Variants in TMEM59L observed in about 807,000 individuals in gnomAD.
TMEM59L encodes the protein transmembrane protein 59-like.
TMEM59L carries 31 observed loss-of-function variants against 39.6 expected under a neutral mutation model. The ratio of observed to expected loss-of-function variants is 0.78; its 90% CI spans 0.59 to 1.06. TMEM59L has a LOEUF of 1.06. Ranked by LOEUF, TMEM59L falls within the 50% of genes least tolerant of loss-of-function variation. The pLI is 0.00. For missense variants in TMEM59L, 441 were observed against 451.3 expected (o/e 0.98, Z 0.21); for synonymous variants, 219 against 202.9 (o/e 1.08, Z -0.68).
chr19:18,613,864 T>TC lies in TMEM59L; in HGVS notation c.172-3dup, dbSNP rs1395556408. ...ATGGCCTGAGCCCCCTGTCCTCCCC[T>TC]CCCCCAGGCGGGGCTGGAGGGCGCC... is the stretch of plus-strand genomic sequence containing the variant. On this transcript the variant is annotated splice_polypyrimidine_tract_variant and splice_region_variant and intron_variant, in intron 1 of 7. Coordinates refer to ENST00000262817, the MANE Select transcript of TMEM59L (RefSeq NM_012109.3). 6 of 1,379,764 alleles carry TC rather than the reference T, an allele frequency of 4.3e-6. No homozygotes were observed. The Admixed American group carries it at 1.1e-4, about 26-fold the overall frequency. 85.5% of individuals were successfully genotyped at this position (1,379,764 alleles called of 1,614,324 possible). A position where few individuals can be genotyped will look rare whatever the true frequency, so the allele number is the denominator to read the frequency against.
chr19:18,619,680 T>G (rs2145352019), intron 7 of TMEM59L, among the ~76,000 whole-genome samples: 1 of 151,662 alleles, frequency 6.6e-6, no homozygotes, highest in East Asian at 2.0e-4. Flanking sequence ...GGCAGGTGCC[T>G]GTAGTCCCAG....
intron 3 of TMEM59L, 87 bp from the exon 4 acceptor site, chr19:18,615,888 G>A (rs1401935489): frequency 1.5e-5 from 22 of 1,509,252 alleles, no homozygotes; most frequent in South Asian, 7.7e-5. Flanking sequence ...GATTACAGGC[G>A]TGAGCCACCA....
At chr19:18,617,862 G>A in intron 5 of TMEM59L, 1 of 472,880 alleles carries the variant, frequency 2.1e-6, no homozygotes, top group African/African-American at 2.0e-5. Flanking sequence ...TCATCTTCTA[G>A]GGTCATCTCC....
intron 7 of TMEM59L, among the ~76,000 whole-genome samples, chr19:18,619,429 C>G (rs1042376419): frequency 2.6e-5 from 4 of 152,204 alleles, no homozygotes; most frequent in Non-Finnish European, 5.9e-5. Flanking sequence ...CTCTATCATG[C>G]CCAGGTGTGT....
chr19:18,618,704 A>ATTTTT (rs71166534), intron 7 of TMEM59L, among the ~76,000 whole-genome samples: 20 of 139,152 alleles, frequency 1.4e-4, no homozygotes, highest in South Asian at 4.3e-4. Flanking sequence ...ATATATATAT[A>ATTTTT]TTTTTTTTGA....
chr19:18,616,970 CCT>C (rs1414439614), intron 4 of TMEM59L, 28 bp from the exon 5 acceptor site: 2 of 1,537,690 alleles, frequency 1.3e-6, no homozygotes, highest in African/African-American at 2.7e-5. Flanking sequence ...TTCTCACAAG[CCT>C]CTCTGTGCTG....
chr19:18,614,763 G>T (rs547414628), intron 3 of TMEM59L, among the ~76,000 whole-genome samples: 1 of 152,342 alleles, frequency 6.6e-6, no homozygotes, highest in Admixed American at 6.5e-5. Flanking sequence ...CCTTATGGGA[G>T]AAATAATAAC....
At position 18,613,930 on chromosome 19, in the gene TMEM59L, G is replaced by C; in HGVS notation, c.230G>C (p.Cys77Ser). The change falls in exon 2 of 8, where the codon TGC (cysteine) becomes TCC (serine). Residue 77 changes from cysteine to serine, a missense_variant. Transcript: ENST00000262817. ...PYDRAVLISA[C>S]ERGCRLFSIC... is the part of the protein sequence containing the mutation. Reference sequence around the variant, plus strand: ...GACAGAGCCGTTCTGATCAGCGCTTGCGAGCGTGGCTGCCGCCTCTTCTCC... The same window carrying C: ...GACAGAGCCGTTCTGATCAGCGCTTCCGAGCGTGGCTGCCGCCTCTTCTCC... 6.2e-7 allele frequency: 1 copy of C among 1,613,064 alleles called. No homozygotes were observed. The highest frequency in any genetic ancestry group is 8.5e-7 in the Non-Finnish European group (1 of 1,180,010).
At chr19:18,618,528 AG>A in intron 7 of TMEM59L, 36 bp downstream of exon 7, 1 of 1,574,476 alleles carries the variant, frequency 6.4e-7, no homozygotes. Context: ...GGGCCGAGGG[AG>A]GGGGTGAAGG....
chr19:18,614,931 T>C (rs961915653), intron 3 of TMEM59L, among the ~76,000 whole-genome samples: 1 of 152,178 alleles, frequency 6.6e-6, no homozygotes, highest in African/African-American at 2.4e-5. Context: ...TTCACTGCTG[T>C]TCAGAAAAGC....
chr19:18,617,068 A>G lies in TMEM59L; in HGVS notation c.630A>G (p.Arg210=). 1 of 1,613,338 alleles carries G rather than the reference A, an allele frequency of 6.2e-7. No individual in the cohort carries two copies. Among genetic ancestry groups the G allele is most frequent in the South Asian group, 1.1e-5 (1 of 91,086 alleles). ...TGCAGCGCGTGGAGGTGACCTGGCG[A>G]GGCTCCCACCCTGAAGCCCTGGAGG... ...GRLQRVEVTW[R]GSHPEALEVH... The change falls in exon 5 of 8, where the codon CGA becomes CGG. Residue 210 remains arginine (R), a synonymous_variant. Transcript: ENST00000262817.
chr19:18,618,649 G>A (rs1241980708), intron 7 of TMEM59L, among the ~76,000 whole-genome samples, 157 bp downstream of exon 7: 1 of 77,306 alleles, frequency 1.3e-5, no homozygotes, highest in African/African-American at 1.9e-4. Context: ...ACATATACGT[G>A]TGTGTGTGTG....
Position 18,618,673 on chromosome 19 carries a change from GTA to G in TMEM59L, c.900+196_900+197del, listed in dbSNP as rs71339270. 2.3e-3 allele frequency among the ~76,000 whole-genome samples: 156 copies of G among 68,988 alleles called. 1 individual carries two copies. Among genetic ancestry groups the G allele is most frequent in the East Asian group, 0.016 (12 of 742 alleles). The allele number at this position is 68,988 out of a possible 152,430, so 45.3% of individuals were successfully genotyped here. On this transcript the variant is annotated intron_variant, in intron 7 of 7. Coordinates refer to ENST00000262817, the MANE Select transcript of TMEM59L (RefSeq NM_012109.3). ...TGTGTGTGTGTGTGTGTGTGTGTGT[GTA>G]TATATATATATATAATATATATATA...
At chr19:18,618,566 A>G in intron 7 of TMEM59L, 74 bp downstream of exon 7, 1 of 1,448,172 alleles carries the variant, frequency 6.9e-7, no homozygotes, top group Non-Finnish European at 9.4e-7. Flanking sequence ...CTGGTCCTGG[A>G]TTTGGCCACC....
rs942941313 is a variant in TMEM59L at position 18,618,068 on chromosome 19, A to G, written c.665-87A>G. The stretch of plus-strand genomic sequence containing the variant: ...TCTCCATTCCAGGACTCTATGCCCC[A>G]GGTCCTGACCTCCTCCCTCCTGGTC... On this transcript the variant is annotated intron_variant, in intron 5 of 7. Transcript: ENST00000262817. 3 of 962,798 alleles carry G rather than the reference A, an allele frequency of 3.1e-6. No individual in the cohort carries two copies. In the African/African-American group the frequency reaches 4.8e-5, roughly 15 times the overall value. 59.6% of individuals were successfully genotyped at this position (962,798 alleles called of 1,614,324 possible).
Position 18,618,508 on chromosome 19 carries a change from G to T in TMEM59L, c.900+16G>T. ...CAAGTTCCAGGTGGGTGGGATCTGTGAATGGCGCTGGGCCGAGGGAGGGGG... is the reference window on the plus strand; with the variant it reads ...CAAGTTCCAGGTGGGTGGGATCTGTTAATGGCGCTGGGCCGAGGGAGGGGG... On this transcript the variant is annotated intron_variant, in intron 7 of 7. Coordinates refer to ENST00000262817, the MANE Select transcript of TMEM59L (RefSeq NM_012109.3). 9 of 1,595,558 alleles carry T rather than the reference G, an allele frequency of 5.6e-6. No homozygotes were observed. The highest frequency in any genetic ancestry group is 7.7e-6 in the Non-Finnish European group (9 of 1,174,194).
intron 7 of TMEM59L, among the ~76,000 whole-genome samples, chr19:18,619,579 C>T (rs971977727): frequency 9.2e-5 from 14 of 151,864 alleles, no homozygotes; most frequent in Admixed American, 4.6e-4. Context: ...CCGAGGTGGG[C>T]GGATCACGAG....
At chr19:18,619,079 C>T (rs973759599) in intron 7 of TMEM59L, among the ~76,000 whole-genome samples, 3 of 152,052 alleles carry the variant, frequency 2.0e-5, no homozygotes, top group Non-Finnish European at 2.9e-5. Flanking sequence ...GCAGCCTCGG[C>T]CTCCCTGGCT....
Position 18,613,008 on chromosome 19 carries a change from T to C in TMEM59L, c.50T>C (p.Leu17Ser). Residue 17 changes from leucine to serine, a missense_variant, in exon 1 of 8, where the codon TTG becomes TCG. By Grantham distance (145) the Leu-to-Ser change is moderately radical. Transcript: ENST00000262817. Reference protein sequence around the residue: ...MPPPLLLLLLLASPPAASAPS... With the variant: ...MPPPLLLLLLSASPPAASAPS... ...CCGCCGCTGCTGCTGCTGCTGCTGTTGGCGTCGCCGCCCGCCGCCTCCGCG... is the reference window on the plus strand; with the variant it reads ...CCGCCGCTGCTGCTGCTGCTGCTGTCGGCGTCGCCGCCCGCCGCCTCCGCG... 7.2e-7 allele frequency: 1 copy of C among 1,383,130 alleles called. No homozygotes were observed. Among genetic ancestry groups the C allele is most frequent in the Admixed American group, 3.3e-5 (1 of 30,732 alleles). The allele number at this position is 1,383,130 out of a possible 1,614,324, so 85.7% of individuals were successfully genotyped here.
Sources: gnomAD v4.1 joint callset for allele counts (sites outside exome capture counted in the v4.1 genomes callset) on GRCh38, gnomAD v4.1.1 for gene constraint, MANE v1.5 for transcripts, NCBI Gene and HGNC (gene_info 2026-07-23, HGNC 2026-07-21) for gene names.